ERCC6: variants seen among roughly 807,000 people sequenced by gnomAD.
ERCC6 encodes DNA excision repair protein ERCC-6.
Under a neutral mutation model 158.7 loss-of-function variants are expected in ERCC6, and 116 were observed. The ratio of observed to expected loss-of-function variants is 0.73; its 90% CI spans 0.63 to 0.85. The LOEUF is 0.85. ERCC6 is among the 40% of genes least tolerant of loss of function. The pLI, the probability that ERCC6 is intolerant of heterozygous loss-of-function variation, is 0.00. For missense variants in ERCC6, 1,698 were observed against 1,799.4 expected (o/e 0.94, Z 1.02); for synonymous variants, 678 against 659.3 (o/e 1.03, Z -0.43).
rs56023419 is a variant in ERCC6, at chr10:49,528,109, T to C, written c.652+308A>G. Among the ~76,000 whole-genome samples the C allele has an allele frequency of 8.5e-4, 129 of 152,366 alleles. 1 individual carries two copies. In the East Asian group the frequency reaches 0.023, roughly 27 times the overall value. On this transcript the variant is annotated intron_variant, in intron 4 of 20. Coordinates refer to ENST00000355832, the MANE Select transcript of ERCC6 (RefSeq NM_000124.4). ...GGGCTTCCAACATGTAATTTAATCA[T>C]GATGCTAGTTGTCTTTATCAAATTA...
Position 49,530,712 on chromosome 10 carries a change from T to G in ERCC6, c.543+8A>C. 6.2e-7 allele frequency: 1 copy of G among 1,612,642 alleles called. No homozygotes were observed. Among genetic ancestry groups the G allele is most frequent in the Admixed American group, 1.7e-5 (1 of 59,988 alleles). ...AAAAATGCAATACTGAATGTTATTC[T>G]GAATCACCTTATTATACTTCTGTCG... On this transcript the variant is annotated splice_region_variant and intron_variant, in intron 3 of 20. Coordinates refer to ENST00000355832, the MANE Select transcript of ERCC6 (RefSeq NM_000124.4).
Position 49,483,358 on chromosome 10 carries a change from A to C in ERCC6, c.1980T>G (p.Leu660=), listed in dbSNP as rs1448612052. ...KIRNPNAAVT[L]ACKQFRTPHR... Reference sequence around the variant, plus strand: ...AAAGAGGTCATACCTGTTTGCAAGCAAGGGTGACAGCAGCATTTGGATTTC... The same window carrying C: ...AAAGAGGTCATACCTGTTTGCAAGCCAGGGTGACAGCAGCATTTGGATTTC... Residue 660 remains leucine (L), a synonymous_variant, in exon 9 of 21, where the codon CTT becomes CTG. Coordinates refer to ENST00000355832, the MANE Select transcript of ERCC6 (RefSeq NM_000124.4). 6.2e-7 allele frequency: 1 copy of C among 1,614,176 alleles called. No individual in the cohort carries two copies. The highest frequency in any genetic ancestry group is 8.5e-7 in the Non-Finnish European group (1 of 1,180,006).
intron 5 of ERCC6, among the ~76,000 whole-genome samples, chr10:49,514,497 A>G (rs1440107977): frequency 1.3e-5 from 2 of 152,224 alleles, no homozygotes; most frequent in Non-Finnish European, 1.5e-5. Context: ...GAGGTCACCT[A>G]CCGTGGTGCT....
Position 49,458,776 on chromosome 10 carries a change from T to C in ERCC6, c.*39A>G, listed in dbSNP as rs1421421565. The stretch of plus-strand genomic sequence containing the variant: ...ATAAATTAATAATCAGAAATGCCCG[T>C]TAGAAAAAGGGACTTGAAAGTTTAG... On this transcript the variant is annotated 3_prime_UTR_variant, in exon 21 of 21. Transcript: ENST00000355832. 6.2e-7 allele frequency: 1 copy of C among 1,601,888 alleles called. No homozygotes were observed. The highest frequency in any genetic ancestry group is 1.1e-5 in the South Asian group (1 of 90,648).
At chr10:49,492,238 G>A (rs777511263) in intron 8 of ERCC6, among the ~76,000 whole-genome samples, 2 of 152,052 alleles carry the variant, frequency 1.3e-5, no homozygotes, top group Non-Finnish European at 1.5e-5. Context: ...ATCTGACTCC[G>A]TGAGGCAAAC....
In ERCC6 at chr10:49,470,780, G is replaced by A; in HGVS notation, c.3180C>T (p.Asn1060=). The A allele has an allele frequency of 6.2e-7, 1 of 1,614,144 alleles. No individual in the cohort carries two copies. The highest frequency in any genetic ancestry group is 2.2e-5 in the East Asian group (1 of 44,878). Residue 1060 remains asparagine (N), a synonymous_variant, in exon 18 of 21, where the codon AAC becomes AAT. Coordinates refer to ENST00000355832, the MANE Select transcript of ERCC6 (RefSeq NM_000124.4). ...ATGATGTGGCATCATTTACAGATATGTTAGAAGCAGGGAACTTCTTGCGTT... is the reference window on the plus strand; with the variant it reads ...ATGATGTGGCATCATTTACAGATATATTAGAAGCAGGGAACTTCTTGCGTT... ...VPKRKKFPAS[N]ISVNDATSSE...
downstream of ERCC6, among the ~76,000 whole-genome samples, chr10:49,450,078 C>T (rs955439553): frequency 2.0e-5 from 3 of 152,146 alleles, no homozygotes; most frequent in East Asian, 1.9e-4. Context: ...GCCATGTTGC[C>T]CAGGCTGGTC....
At chr10:49,463,867 G>T (rs1850625963) in intron 18 of ERCC6, among the ~76,000 whole-genome samples, 1 of 152,200 alleles carries the variant, frequency 6.6e-6, no homozygotes, top group Admixed American at 6.5e-5. Flanking sequence ...CAGCCACACA[G>T]AACTGTAAGT....
intron 5 of ERCC6, among the ~76,000 whole-genome samples, chr10:49,521,433 T>C (rs1459702391): frequency 1.3e-5 from 2 of 152,132 alleles, no homozygotes; most frequent in African/African-American, 4.8e-5. Flanking sequence ...CACCCGGAGC[T>C]CCCAGGCCCA....
At chr10:49,534,066 G>A (rs757100986) in intron 1 of ERCC6, among the ~76,000 whole-genome samples, 11 of 149,066 alleles carry the variant, frequency 7.4e-5, no homozygotes, top group Middle Eastern at 3.4e-3. Flanking sequence ...CCCAGGAGGC[G>A]GAGGTTGCAG....
At chr10:49,532,131 A>C (rs1837482916) in intron 2 of ERCC6, among the ~76,000 whole-genome samples, 1 of 152,224 alleles carries the variant, frequency 6.6e-6, no homozygotes, top group South Asian at 2.1e-4. Flanking sequence ...CAAGGACTGA[A>C]CACTAAGTTT....
chr10:49,528,292 G>C, intron 4 of ERCC6, 125 bp downstream of exon 4: 1 of 1,139,210 alleles, frequency 8.8e-7, no homozygotes. Context: ...AATCTGTTTT[G>C]ACACTAAGGC....
Position 49,496,804 on chromosome 10 carries a change from G to A in ERCC6, c.1686-3552C>T, listed in dbSNP as rs191406465. 8.9e-4 allele frequency among the ~76,000 whole-genome samples: 135 copies of A among 152,194 alleles called. 2 individuals carry two copies. The highest frequency in any genetic ancestry group is 8.4e-3 in the Admixed American group (128 of 15,292). ...GCCTGGGCGACAAGAGCGAGACTCT[G>A]TCTCAGAACAAACAAACAAACAAAC... On this transcript the variant is annotated intron_variant, in intron 7 of 20. Transcript: ENST00000355832.
intron 7 of ERCC6, among the ~76,000 whole-genome samples, chr10:49,497,987 T>C (rs528250606): frequency 6.6e-6 from 1 of 152,318 alleles, no homozygotes; most frequent in Admixed American, 6.5e-5. Context: ...TAACTGAGTT[T>C]GAAAGTCAAT....
At chr10:49,531,670 C>T (rs780115098) in intron 2 of ERCC6, among the ~76,000 whole-genome samples, 1 of 152,142 alleles carries the variant, frequency 6.6e-6, no homozygotes, top group Non-Finnish European at 1.5e-5. Context: ...TGAACGAGCA[C>T]CTGCTCCTGA....
chr10:49,472,721 A>C, intron 15 of ERCC6, 188 bp downstream of exon 15: 7 of 764,772 alleles, frequency 9.2e-6, no homozygotes, highest in Non-Finnish European at 1.5e-5. Flanking sequence ...GCTATGGATA[A>C]ACTGCTGAAG....
chr10:49,533,033 TTAAA>T, intron 1 of ERCC6, 55 bp from the exon 2 acceptor site: 1 of 1,561,294 alleles, frequency 6.4e-7, no homozygotes. Flanking sequence ...ATTGTAGTTC[TTAAA>T]TATTTTATAA....
At chr10:49,539,149 T>C (rs1837679893), upstream of ERCC6, 1 of 152,336 alleles carries the variant, frequency 6.6e-6, no homozygotes, top group Non-Finnish European at 1.5e-5. Flanking sequence ...CGTTTGTTTT[T>C]AAGCACGGGC....
At chr10:49,499,431 T>C (rs1851319527) in intron 7 of ERCC6, among the ~76,000 whole-genome samples, 1 of 152,236 alleles carries the variant, frequency 6.6e-6, no homozygotes, top group Non-Finnish European at 1.5e-5. Context: ...GGCTCTCTAC[T>C]AAGCATTTCG....
Sources: allele counts gnomAD v4.1 joint callset (sites outside exome capture counted in the v4.1 genomes callset), GRCh38; gene constraint gnomAD v4.1.1; transcripts MANE v1.5; gene names NCBI Gene and HGNC (gene_info 2026-07-23, HGNC 2026-07-21).